PLAUR: variants seen among roughly 807,000 people sequenced by gnomAD.
The protein encoded by PLAUR is urokinase plasminogen activator surface receptor.
In PLAUR, 22 loss-of-function variants were observed where a neutral mutation model predicts 33.4. That is an observed-to-expected ratio of 0.66 (90% confidence interval 0.47 to 0.94). The LOEUF (loss-of-function observed/expected upper bound fraction) is 0.94. Among genes scored for constraint, PLAUR ranks in the 40% least tolerant of loss-of-function variants. PLAUR has a pLI of 0.00. For missense variants in PLAUR, 408 were observed against 434.7 expected, an observed-to-expected ratio of 0.94 and a Z score of 0.55; for synonymous variants, 148 against 167.3, an observed-to-expected ratio of 0.88 and a Z score of 0.89.
In PLAUR at chr19:43,665,789, G is replaced by A. The variant is rs373464500; in HGVS notation, c.167-330C>T. ...TCAAGCAGTCCTGCTTCGGCCTCCC[G>A]AGTAGCTGGAACCACAGGCTTACAT... On this transcript the variant is annotated intron_variant, in intron 2 of 6. Coordinates refer to ENST00000340093, the MANE Select transcript of PLAUR (RefSeq NM_002659.4). Among the ~76,000 whole-genome samples the A allele has an allele frequency of 2.7e-4, 29 of 107,090 alleles. 2 individuals carry two copies. In the South Asian group the frequency reaches 7.6e-3, roughly 28 times the overall value. The allele number at this position is 107,090 out of a possible 152,430, so 70.3% of individuals were successfully genotyped here.
rs571797066 is a variant in PLAUR, at chr19:43,668,355, G to T, written c.56-664C>A. 17 of 966,870 alleles carry T rather than the reference G, an allele frequency of 1.8e-5. No individual in the cohort carries two copies. In the African/African-American group the frequency reaches 3.0e-4, roughly 17 times the overall value. The allele number at this position is 966,870 out of a possible 1,614,324, so 59.9% of individuals were successfully genotyped here. On this transcript the variant is annotated intron_variant, in intron 1 of 6. Transcript: ENST00000340093. ...GGCCCCGCTCCAGACTCATCGTCGA[G>T]GTTCTAGCCCCGCCCTTTAGCTCTT...
At chr19:43,647,734 G>A (rs1468124962), downstream of PLAUR, among the ~76,000 whole-genome samples, 1 of 152,062 alleles carries the variant, frequency 6.6e-6, no homozygotes, top group Admixed American at 6.6e-5. Flanking sequence ...TGAACTAGGA[G>A]GTGGAGGTTG....
chr19:43,646,785 T>C (rs574200696), downstream of PLAUR, among the ~76,000 whole-genome samples: 79 of 144,320 alleles, frequency 5.5e-4, no homozygotes, highest in Non-Finnish European at 1.1e-3. Flanking sequence ...CCATGGAAGA[T>C]GTCTTTTTTT....
intron 5 of PLAUR, among the ~76,000 whole-genome samples, chr19:43,653,403 G>A (rs1371609376): frequency 1.3e-5 from 2 of 152,210 alleles, no homozygotes; most frequent in African/African-American, 2.4e-5. Flanking sequence ...TAATGGATGA[G>A]AAGTTGCCAG....
intron 1 of PLAUR, chr19:43,668,239 G>A (rs1384651701): frequency 5.1e-6 from 5 of 987,276 alleles, no homozygotes; most frequent in Admixed American, 6.1e-5. Context: ...TTCTAGGCCC[G>A]GCCCCATCAG....
intron 3 of PLAUR, chr19:43,660,578 A>T (rs1458311728): frequency 6.6e-6 from 1 of 150,714 alleles, no homozygotes; most frequent in South Asian, 2.1e-4. Flanking sequence ...AGGAGTTTTG[A>T]CCTGCTCCAT....
At chr19:43,667,789 G>A (rs762752491) in intron 1 of PLAUR, 98 bp from the exon 2 acceptor site, 5 of 1,516,036 alleles carry the variant, frequency 3.3e-6, no homozygotes, top group Middle Eastern at 1.7e-4. Context: ...CAAGTCTCCA[G>A]GCCCCGTCCA....
intron 3 of PLAUR, among the ~76,000 whole-genome samples, chr19:43,658,375 C>T (rs765901887): frequency 3.3e-5 from 5 of 152,188 alleles, no homozygotes; most frequent in Non-Finnish European, 5.9e-5. Flanking sequence ...CCAGAACCAC[C>T]TAGCTAAGCC....
chr19:43,667,544 TGC>T, intron 2 of PLAUR, 35 bp downstream of exon 2: 1 of 1,403,674 alleles, frequency 7.1e-7, no homozygotes, highest in Non-Finnish European at 1.0e-6. Flanking sequence ...CGTTCCATGC[TGC>T]GCTGGAGGGG....
chr19:43,652,202 C>T, intron 6 of PLAUR, 23 bp downstream of exon 6: 1 of 1,613,290 alleles, frequency 6.2e-7, no homozygotes, highest in Non-Finnish European at 8.5e-7. Flanking sequence ...AGTGTTCCCT[C>T]CCAGCCTCGG....
intron 3 of PLAUR, 48 bp downstream of exon 3, chr19:43,665,268 A>G (rs111247667): frequency 1.3e-6 from 2 of 1,592,614 alleles, no homozygotes; most frequent in Middle Eastern, 1.7e-4. Context: ...GATGAGGTTG[A>G]GCTGGGGATG....
At chr19:43,668,665 G>GC (rs1479343288) in intron 1 of PLAUR, among the ~76,000 whole-genome samples, 66 of 47,458 alleles carry the variant, frequency 1.4e-3, no homozygotes, top group African/African-American at 5.5e-3. Flanking sequence ...TTATAACCCC[G>GC]CCCCTAGCCC....
intron 3 of PLAUR, among the ~76,000 whole-genome samples, chr19:43,664,556 C>T (rs936186378): frequency 2.6e-4 from 39 of 152,226 alleles, no homozygotes; most frequent in African/African-American, 7.5e-4. Context: ...GCGGTTCTCC[C>T]GCCTTGGTCT....
downstream of PLAUR, among the ~76,000 whole-genome samples, chr19:43,647,802 T>A (rs1042555702): frequency 1.3e-5 from 2 of 148,730 alleles, 1 homozygote; most frequent in Non-Finnish European, 3.0e-5. Flanking sequence ...TGAAACTCCA[T>A]CTCAAAAAAA....
At chr19:43,666,269 AC>A (rs780412586) in intron 2 of PLAUR, among the ~76,000 whole-genome samples, 11 of 152,024 alleles carry the variant, frequency 7.2e-5, no homozygotes, top group Non-Finnish European at 1.3e-4. Context: ...CTTATAAAAA[AC>A]GTATCATATT....
At chr19:43,652,072 T>C (rs1029045226) in intron 6 of PLAUR, 153 bp downstream of exon 6, 3 of 1,445,546 alleles carry the variant, frequency 2.1e-6, no homozygotes, top group Non-Finnish European at 1.8e-6. Context: ...CAAGTCCTAA[T>C]TCCTTACAAT....
Position 43,668,156 on chromosome 19 carries a change from C to G in PLAUR, c.56-465G>C, listed in dbSNP as rs540503930. On this transcript the variant is annotated intron_variant, in intron 1 of 6. Transcript: ENST00000340093. The stretch of plus-strand genomic sequence containing the variant: ...CGTCACTCCCAGTGCCCTAATGGAA[C>G]TATCCCTCCACTCACTCCCCCTGGT... 8 of 992,894 alleles carry G rather than the reference C, an allele frequency of 8.1e-6. No homozygotes were observed. In the South Asian group the frequency reaches 3.0e-4, roughly 37 times the overall value. The allele number at this position is 992,894 out of a possible 1,614,324, so 61.5% of individuals were successfully genotyped here.
In PLAUR at chr19:43,652,257, A is replaced by G. The variant is rs771595841; in HGVS notation, c.722T>C (p.Met241Thr). The G allele has an allele frequency of 1.2e-5, 20 of 1,614,118 alleles. No individual in the cohort carries two copies. The East Asian group carries it at 4.2e-4, about 34-fold the overall frequency. The stretch of plus-strand genomic sequence containing the variant: ...GCCGGTGGCTACCAGACATTGATTC[A>G]TGGGGCCTCGGCAGTCAATGAGGAA... ...ETFLIDCRGP[M>T]NQCLVATGTH... Residue 241 changes from methionine (M) to threonine (T), a missense_variant, in exon 6 of 7, where the codon ATG becomes ACG. Met to Thr is a moderately conservative substitution (Grantham distance 81). Transcript: ENST00000340093.
downstream of PLAUR, chr19:43,648,425 C>T (rs922165930): frequency 5.9e-6 from 1 of 170,306 alleles, no homozygotes; most frequent in Non-Finnish European, 1.2e-5. Flanking sequence ...CATTTGGAGT[C>T]CAGAAATAGA....
Sources: gnomAD v4.1 joint callset for allele counts (sites outside exome capture counted in the v4.1 genomes callset) on GRCh38, gnomAD v4.1.1 for gene constraint, MANE v1.5 for transcripts, NCBI Gene and HGNC (gene_info 2026-07-23, HGNC 2026-07-21) for gene names.